Variants in HMGB1 observed in about 807,000 individuals in gnomAD.
HMGB1 encodes the protein high mobility group protein B1.
For synonymous variants in HMGB1, 81 were observed against 84.0 expected, an observed-to-expected ratio of 0.96 and a Z score of 0.19; for missense variants, 79 against 253.5, an observed-to-expected ratio of 0.31 and a Z score of 4.67.
intron 1 of HMGB1, among the ~76,000 whole-genome samples, chr13:30,580,825 T>G (rs968656917): frequency 6.6e-6 from 1 of 152,232 alleles, no homozygotes; most frequent in Non-Finnish European, 1.5e-5. Flanking sequence ...CATGTTTTGC[T>G]CAATAGCTTG....
In HMGB1 at chr13:30,555,660, A is replaced by C. The variant is rs1033345802; in HGVS notation, c.-15+61011T>G. On this transcript the variant is annotated intron_variant, in intron 1 of 4. Transcript: ENST00000405805. ...AAAGAATCATCCTAAATTTACAAAA[A>C]GACAAACCGCATTTCCATAATATAT... Among the ~76,000 whole-genome samples, 3 of 152,236 alleles carry C rather than the reference A, an allele frequency of 2.0e-5. No homozygotes were observed. In the South Asian group the frequency reaches 6.2e-4, roughly 31 times the overall value.
chr13:30,490,303 G>A (rs1887457804), intron 1 of HMGB1, among the ~76,000 whole-genome samples: 1 of 152,096 alleles, frequency 6.6e-6, no homozygotes, highest in African/African-American at 2.4e-5. Context: ...AGAGTCATAT[G>A]AGATAAGTAT....
chr13:30,569,233 A>C (rs987858806), intron 1 of HMGB1, among the ~76,000 whole-genome samples: 1 of 152,212 alleles, frequency 6.6e-6, no homozygotes, highest in Admixed American at 6.5e-5. Context: ...TGCATTAAGC[A>C]ACACAGGCAT....
chr13:30,496,394 C>T (rs1257121787), intron 1 of HMGB1, among the ~76,000 whole-genome samples: 1 of 152,242 alleles, frequency 6.6e-6, no homozygotes, highest in Non-Finnish European at 1.5e-5. Flanking sequence ...CTCCCCGCTG[C>T]ACCCTCAGTT....
chr13:30,513,071 G>T (rs1313497210), intron 1 of HMGB1, among the ~76,000 whole-genome samples: 2 of 152,130 alleles, frequency 1.3e-5, no homozygotes, highest in Non-Finnish European at 2.9e-5. Flanking sequence ...GCTGAGGCAG[G>T]AGAATTGCTT....
Position 30,516,506 on chromosome 13 carries a change from A to AT in HMGB1, c.-14-52813dup, listed in dbSNP as rs558328631. ...ATGTATTTGTGCATTATCACAGTGA[A>AT]TTTTTTTTATATAAGAGGTTGTTTT... is the stretch of plus-strand genomic sequence containing the variant. On this transcript the variant is annotated intron_variant, in intron 1 of 4. Transcript: ENST00000405805. Among the ~76,000 whole-genome samples the AT allele has an allele frequency of 8.3e-4, 127 of 152,228 alleles. No individual in the cohort carries two copies. The Middle Eastern group carries it at 0.017, about 20-fold the overall frequency.
At chr13:30,594,434 G>A (rs1407799724) in intron 1 of HMGB1, among the ~76,000 whole-genome samples, 1 of 152,068 alleles carries the variant, frequency 6.6e-6, no homozygotes, top group Non-Finnish European at 1.5e-5. Context: ...TTATGTCCAT[G>A]TGTACCCAAG....
chr13:30,474,890 C>G (rs1213439940), intron 1 of HMGB1, among the ~76,000 whole-genome samples: 1 of 143,542 alleles, frequency 7.0e-6, no homozygotes, highest in Admixed American at 7.0e-5. Flanking sequence ...TGCTCTTTCG[C>G]CTAGGCTGGA....
Position 30,547,734 on chromosome 13 carries a change from T to C in HMGB1, c.-15+68937A>G, listed in dbSNP as rs374113201. Among the ~76,000 whole-genome samples the C allele has an allele frequency of 5.3e-5, 8 of 152,168 alleles. No homozygotes were observed. In the South Asian group the frequency reaches 1.0e-3, roughly 20 times the overall value. On this transcript the variant is annotated intron_variant, in intron 1 of 4. Coordinates refer to the HMGB1 transcript ENST00000405805. ...GAGTTTGAGACCAGCCTGGCCAATG[T>C]GGTGAAACCCCGTCTCTACTAAAAA...
At chr13:30,478,825 T>C (rs1201840477) in intron 1 of HMGB1, among the ~76,000 whole-genome samples, 1 of 151,592 alleles carries the variant, frequency 6.6e-6, no homozygotes, top group Non-Finnish European at 1.5e-5. Flanking sequence ...AGCCACACGG[T>C]GCCCAGCCCC....
intron 1 of HMGB1, among the ~76,000 whole-genome samples, chr13:30,568,332 C>A (rs1870279156): frequency 6.6e-6 from 1 of 152,040 alleles, no homozygotes. Context: ...CATATTGAGA[C>A]CCCCGTCTCT....
chr13:30,465,214 C>T lies in HMGB1; in HGVS notation c.-15+582G>A, dbSNP rs1416437060. 21 of 570,534 alleles carry T rather than the reference C, an allele frequency of 3.7e-5. No individual in the cohort carries two copies. In the South Asian group the frequency reaches 1.1e-3, roughly 29 times the overall value. The allele number at this position is 570,534 out of a possible 1,614,324, so 35.3% of individuals were successfully genotyped here. ...GCCCGGCCGCCGCCGCCGCCGCGAC[C>T]GGGCCGAGGCCGGCCGGGCCCGCAC... On this transcript the variant is annotated intron_variant, in intron 1 of 4. Coordinates refer to ENST00000341423, the MANE Select transcript of HMGB1 (RefSeq NM_002128.7).
At chr13:30,479,575 C>T (rs1887181116) in intron 1 of HMGB1, among the ~76,000 whole-genome samples, 1 of 152,146 alleles carries the variant, frequency 6.6e-6, no homozygotes, top group East Asian at 1.9e-4. Context: ...TTTGTTCTGG[C>T]ATTTATTATT....
chr13:30,472,253 T>C (rs9315011), intron 1 of HMGB1, among the ~76,000 whole-genome samples: 73,402 of 151,744 alleles, frequency 0.48, 17,848 homozygotes, highest in Admixed American at 0.51. Flanking sequence ...TGCCACAGAG[T>C]GAGACTCTGT....
intron 1 of HMGB1, chr13:30,540,383 T>G (rs1331595496): frequency 3.8e-5 from 6 of 158,556 alleles, no homozygotes. Context: ...TTCCCCAGCA[T>G]GCTAATTAGA....
At chr13:30,563,693 C>T (rs1379855872) in intron 1 of HMGB1, among the ~76,000 whole-genome samples, 2 of 152,222 alleles carry the variant, frequency 1.3e-5, no homozygotes, top group Non-Finnish European at 2.9e-5. Context: ...AAGGCTAGCA[C>T]AATTATTTTT....
chr13:30,461,150 T>G lies in HMGB1; in HGVS notation c.*207A>C. 1 of 1,334,884 alleles carries G rather than the reference T, an allele frequency of 7.5e-7. No individual in the cohort carries two copies. The highest frequency in any genetic ancestry group is 9.6e-7 in the Non-Finnish European group (1 of 1,040,820). The allele number at this position is 1,334,884 out of a possible 1,614,324, so 82.7% of individuals were successfully genotyped here. A position where few individuals can be genotyped will look rare whatever the true frequency, so the allele number is the denominator to read the frequency against. ...ACCCCCATACTGTACCAGGCAAGGT[T>G]AGTGGCTATTGAAAATACCACCAGG... On this transcript the variant is annotated 3_prime_UTR_variant, in exon 5 of 5. Transcript: ENST00000341423.
intron 1 of HMGB1, among the ~76,000 whole-genome samples, chr13:30,532,054 T>G (rs1888507700): frequency 6.6e-6 from 1 of 151,812 alleles, no homozygotes; most frequent in South Asian, 2.1e-4. Context: ...TTTTAAAAAA[T>G]CAGGCCAGGC....
At position 30,465,807 on chromosome 13, in the gene HMGB1, C is replaced by A; in HGVS notation, c.-26G>T. The A allele has an allele frequency of 1.0e-6, 1 of 985,868 alleles. No homozygotes were observed. Among genetic ancestry groups the A allele is most frequent in the Non-Finnish European group, 1.2e-6 (1 of 829,930 alleles). The allele number at this position is 985,868 out of a possible 1,614,324, so 61.1% of individuals were successfully genotyped here. On this transcript the variant is annotated 5_prime_UTR_variant, in exon 1 of 5. Transcript: ENST00000341423. ...TGCCCCAGACTCACCCTCAGCGAGG[C>A]ACAGAGTCGCCCAGTGCCCGTCCGG...
Sources: gnomAD v4.1 joint callset for allele counts (sites outside exome capture counted in the v4.1 genomes callset) on GRCh38, gnomAD v4.1.1 for gene constraint, MANE v1.5 for transcripts, NCBI Gene and HGNC (gene_info 2026-07-23, HGNC 2026-07-21) for gene names.